The following URI1 variants were observed in gnomAD, a reference collection of about 807,000 sequenced individuals.
URI1 encodes unconventional prefoldin RPB5 interactor 1.
Under a neutral mutation model 60.2 loss-of-function variants are expected in URI1, and 39 were observed. The observed-to-expected ratio is 0.65, with a 90% CI of 0.50 to 0.85. URI1 has a LOEUF of 0.85. Ranked by LOEUF, URI1 falls within the 40% of genes least tolerant of loss-of-function variation. URI1 has a pLI of 0.00. For missense variants in URI1, 691 were observed against 665.9 expected (o/e 1.04, Z -0.42); for synonymous variants, 251 against 236.8 (o/e 1.06, Z -0.55).
intron 2 of URI1, among the ~76,000 whole-genome samples, chr19:29,974,267 A>G (rs1172793170): frequency 1.3e-5 from 2 of 152,106 alleles, no homozygotes; most frequent in African/African-American, 4.8e-5. Context: ...ATAGGAACCC[A>G]TATACCTCTT....
At chr19:29,977,605 A>G (rs981207250) in intron 2 of URI1, among the ~76,000 whole-genome samples, 1 of 133,902 alleles carries the variant, frequency 7.5e-6, no homozygotes, top group Non-Finnish European at 1.5e-5. Flanking sequence ...GCAACTGCCA[A>G]ACTTTCTGGA....
chr19:29,971,220 C>T lies in URI1; in HGVS notation c.145C>T (p.Gln49Ter), dbSNP rs2055455546. Reference protein sequence around the residue: ...KVVTNCQERIQHWKKVDNDYN... With the variant: ...KVVTNCQERI ...GGTCACTAACTGCCAAGAGAGAATCCAGCATTGGTGAGTGAAAGATGGTTT... is the reference window on the plus strand; with the variant it reads ...GGTCACTAACTGCCAAGAGAGAATCTAGCATTGGTGAGTGAAAGATGGTTT... The change falls in exon 2 of 11, where the codon CAG (glutamine) becomes TAG (stop). Residue 49 changes from glutamine to a stop codon, truncating the protein, a stop_gained. Transcript: ENST00000392271. LOFTEE classifies it high-confidence loss of function. The T allele has an allele frequency of 1.2e-6, 2 of 1,613,158 alleles. No homozygotes were observed. Among genetic ancestry groups the T allele is most frequent in the Non-Finnish European group, 1.7e-6 (2 of 1,179,376 alleles).
intron 1 of URI1, chr19:29,956,232 TC>T (rs2055245133): frequency 4.1e-6 from 2 of 484,910 alleles, no homozygotes; most frequent in Admixed American, 3.8e-5. Flanking sequence ...CCACCTGTCT[TC>T]GGCCTCCCAA....
At chr19:29,937,355 G>C (rs1240335770), upstream of URI1, among the ~76,000 whole-genome samples, 1 of 152,176 alleles carries the variant, frequency 6.6e-6, no homozygotes, top group Non-Finnish European at 1.5e-5. Flanking sequence ...CAATGTAAAG[G>C]CTTCCTTGGG....
intron 2 of URI1, among the ~76,000 whole-genome samples, chr19:29,977,589 C>T (rs1599693964): frequency 1.2e-5 from 1 of 85,106 alleles, no homozygotes; most frequent in African/African-American, 4.6e-5. Flanking sequence ...TCCTCTTGAG[C>T]AGAGAGCAAC....
intron 1 of URI1, among the ~76,000 whole-genome samples, chr19:29,932,426 C>T (rs2054929206): frequency 1.3e-5 from 2 of 152,138 alleles, no homozygotes; most frequent in South Asian, 4.2e-4. Context: ...AAGTGACTCT[C>T]CTGCCTCAGC....
intron 2 of URI1, among the ~76,000 whole-genome samples, chr19:29,972,363 G>A (rs1304879190): frequency 6.6e-6 from 1 of 152,060 alleles, no homozygotes; most frequent in East Asian, 1.9e-4. Context: ...TATACATTCA[G>A]TTCAGGTTAA....
At chr19:29,991,414 A>G (rs528431127) in intron 4 of URI1, among the ~76,000 whole-genome samples, 2 of 152,318 alleles carry the variant, frequency 1.3e-5, no homozygotes, top group East Asian at 1.9e-4. Context: ...GTGTTCTAGT[A>G]TATAGAAATA....
chr19:29,923,959 A>G (rs1290701140), intron 1 of URI1, among the ~76,000 whole-genome samples: 1 of 152,206 alleles, frequency 6.6e-6, no homozygotes, highest in Non-Finnish European at 1.5e-5. Flanking sequence ...ACAGTATGTC[A>G]TCTGCAGGTT....
At chr19:29,989,509 C>T (rs564436464) in intron 4 of URI1, among the ~76,000 whole-genome samples, 36 of 151,980 alleles carry the variant, frequency 2.4e-4, no homozygotes, top group African/African-American at 7.0e-4. Context: ...TCGCAACCTC[C>T]GCCTCCCGGG....
chr19:30,006,136 A>G (rs558892872), intron 6 of URI1, among the ~76,000 whole-genome samples: 2 of 152,202 alleles, frequency 1.3e-5, no homozygotes, highest in South Asian at 2.1e-4. Context: ...TATTTCAGCC[A>G]TTCCTCTTAT....
intron 7 of URI1, among the ~76,000 whole-genome samples, 167 bp downstream of exon 7, chr19:30,007,805 G>A (rs183151859): frequency 6.6e-6 from 1 of 151,970 alleles, no homozygotes; most frequent in East Asian, 1.9e-4. Context: ...TAATTCTCTG[G>A]AATATTTTCT....
chr19:29,957,769 A>G (rs2055268309), intron 1 of URI1, among the ~76,000 whole-genome samples: 1 of 152,130 alleles, frequency 6.6e-6, no homozygotes. Flanking sequence ...TGAACATGGT[A>G]TATCAATTTA....
rs556522724 is a variant in URI1 at position 29,988,098 on chromosome 19, G to T, written c.367+1681G>T. On this transcript the variant is annotated intron_variant, in intron 4 of 10. Transcript: ENST00000392271. ...CAGGAGAATCACTTGAACCCAGGAG[G>T]TGGAGGTTGCAGTGAGCTGAGATTG... 1.0e-3 allele frequency among the ~76,000 whole-genome samples: 152 copies of T among 151,590 alleles called. 2 individuals carry two copies. The highest frequency in any genetic ancestry group is 3.6e-3 in the African/African-American group (150 of 41,290).
chr19:29,989,774 T>G (rs2145388287), intron 4 of URI1, among the ~76,000 whole-genome samples: 1 of 152,112 alleles, frequency 6.6e-6, no homozygotes, highest in East Asian at 1.9e-4. Flanking sequence ...TGAGAGTTTT[T>G]TTTTTTTTAA....
intron 1 of URI1, chr19:29,956,323 T>A: frequency 1.9e-4 from 89 of 474,328 alleles, no homozygotes; most frequent in East Asian, 3.4e-4. Context: ...TCCAAATCAA[T>A]AGGTCTTTTA....
intron 2 of URI1, among the ~76,000 whole-genome samples, chr19:29,984,288 G>T (rs1384536294): frequency 2.0e-5 from 3 of 152,094 alleles, no homozygotes; most frequent in Non-Finnish European, 4.4e-5. Context: ...AATTAGCTGG[G>T]CGTGGTGTCA....
upstream of URI1, among the ~76,000 whole-genome samples, chr19:29,940,814 G>A (rs1286974821): frequency 1.3e-5 from 2 of 152,138 alleles, no homozygotes; most frequent in East Asian, 1.9e-4. Context: ...GCCCCTAAAC[G>A]AGGGGAAGTG....
At chr19:29,985,068 C>T (rs890752981) in intron 2 of URI1, among the ~76,000 whole-genome samples, 155 bp from the exon 3 acceptor site, 2 of 124,434 alleles carry the variant, frequency 1.6e-5, no homozygotes, top group African/African-American at 3.1e-5. Context: ...TGCAGTGAGC[C>T]GAGATCACGC....
Sources: allele counts gnomAD v4.1 joint callset (sites outside exome capture counted in the v4.1 genomes callset), GRCh38; gene constraint gnomAD v4.1.1; transcripts MANE v1.5; gene names NCBI Gene and HGNC (gene_info 2026-07-23, HGNC 2026-07-21).